KIF18B: variants seen among roughly 807,000 people sequenced by gnomAD.
KIF18B encodes kinesin-like protein KIF18B.
In KIF18B, 49 loss-of-function variants were observed where a neutral mutation model predicts 80.9. That is an observed-to-expected ratio of 0.61 (90% CI 0.48 to 0.77). The LOEUF (loss-of-function observed/expected upper bound fraction) is 0.77, where lower values mean the gene tolerates loss of function less well. Ranked by LOEUF, KIF18B falls within the 30% of genes least tolerant of loss-of-function variation. The probability of loss-of-function intolerance (pLI) is 0.00; values close to 1 mark genes in which losing one functional copy is unlikely to be tolerated. For synonymous variants in KIF18B, 439 were observed against 463.9 expected (o/e 0.95, Z 0.69); for missense variants, 994 against 1,127.7 (o/e 0.88, Z 1.70).
At chr17:44,929,522 A>G (rs1597877454) in intron 11 of KIF18B, among the ~76,000 whole-genome samples, 1 of 152,278 alleles carries the variant, frequency 6.6e-6, no homozygotes, top group East Asian at 1.9e-4. Flanking sequence ...GCACTGGTTA[A>G]CCTCAGTCTC....
Position 44,927,133 on chromosome 17 carries a change from C to G in KIF18B, c.2277-55G>C. 7.4e-7 allele frequency: 1 copy of G among 1,348,784 alleles called. No individual in the cohort carries two copies. Among genetic ancestry groups the G allele is most frequent in the Non-Finnish European group, 1.0e-6 (1 of 972,814 alleles). 83.6% of individuals were successfully genotyped at this position (1,348,784 alleles called of 1,614,324 possible). On this transcript the variant is annotated intron_variant, in intron 13 of 15. Transcript: ENST00000593135. The surrounding 1 kb of genome is among the most constrained non-coding windows in gnomAD (Gnocchi z 4.1). ...ATCAGCAGGGAACCGGAAGCAAGGC[C>G]AGCCACTTCCTCCCTCCAGCCCCCA...
chr17:44,942,743 A>C (rs117109833), intron 1 of KIF18B, among the ~76,000 whole-genome samples: 1,541 of 152,378 alleles, frequency 0.01, 16 homozygotes, highest in Admixed American at 0.015. Context: ...GCAGAGTCTG[A>C]ATCCAAAAAT....
intron 14 of KIF18B, 101 bp from the exon 15 acceptor site, chr17:44,926,600 A>T: frequency 8.4e-7 from 1 of 1,189,752 alleles, no homozygotes. Context: ...CTAAGCCCTG[A>T]GAGCAAAGGC....
intron 15 of KIF18B, 56 bp downstream of exon 15, chr17:44,926,358 T>C (rs1164651462): frequency 1.3e-6 from 2 of 1,553,568 alleles, no homozygotes; most frequent in Admixed American, 2.0e-5. Context: ...CCCTCCTCCT[T>C]CTTGTCTTCA....
intron 1 of KIF18B, among the ~76,000 whole-genome samples, chr17:44,939,827 T>A (rs1036269157): frequency 1.3e-5 from 2 of 152,204 alleles, no homozygotes; most frequent in Non-Finnish European, 2.9e-5. Context: ...ATTTTTATTT[T>A]TTTTTTAGAC....
At chr17:44,933,053 T>A in intron 7 of KIF18B, 67 bp from the exon 8 acceptor site, 1 of 1,468,726 alleles carries the variant, frequency 6.8e-7, no homozygotes, top group Non-Finnish European at 9.4e-7. Context: ...CCACCGCCGA[T>A]GGCCAGGCAC....
intron 9 of KIF18B, chr17:44,932,456 T>C (rs558388014): frequency 8.4e-6 from 5 of 594,504 alleles, no homozygotes; most frequent in Middle Eastern, 4.5e-4. Flanking sequence ...TCTCGAATAG[T>C]AGGCCCTGCT....
chr17:44,936,624 A>ATTTT (rs72105429), intron 1 of KIF18B, among the ~76,000 whole-genome samples: 2 of 27,906 alleles, frequency 7.2e-5, no homozygotes, highest in African/African-American at 1.4e-4. Flanking sequence ...ATATATATAT[A>ATTTT]TTTTTTTTTT....
At chr17:44,933,897 C>T (rs2052214999) in intron 7 of KIF18B, 26 bp downstream of exon 7, 10 of 1,537,116 alleles carry the variant, frequency 6.5e-6, no homozygotes, top group Non-Finnish European at 8.8e-6. Flanking sequence ...TGCCCCACGC[C>T]CAAGCCGGCC....
At chr17:44,947,409 G>A (rs899220408) in intron 1 of KIF18B, among the ~76,000 whole-genome samples, 1 of 152,234 alleles carries the variant, frequency 6.6e-6, no homozygotes, top group African/African-American at 2.4e-5. Context: ...CACCCGTACG[G>A]GTGTGTAAGG....
At chr17:44,926,529 G>T in intron 14 of KIF18B, 30 bp from the exon 15 acceptor site, 1 of 1,552,506 alleles carries the variant, frequency 6.4e-7, no homozygotes, top group East Asian at 2.3e-5. Context: ...AAGGTGGAAG[G>T]TTACGGCCCT....
chr17:44,939,223 T>G (rs554463026), intron 1 of KIF18B, among the ~76,000 whole-genome samples: 13 of 151,068 alleles, frequency 8.6e-5, no homozygotes, highest in Non-Finnish European at 1.5e-4. Context: ...ATACAAAAAT[T>G]AGTCGGGCAC....
chr17:44,944,124 T>G (rs965299998), intron 1 of KIF18B, among the ~76,000 whole-genome samples: 1 of 152,258 alleles, frequency 6.6e-6, no homozygotes, highest in African/African-American at 2.4e-5. Flanking sequence ...CTTGCATTCT[T>G]GGGATAAATT....
chr17:44,943,325 C>T (rs1307319466), intron 1 of KIF18B, among the ~76,000 whole-genome samples: 1 of 152,078 alleles, frequency 6.6e-6, no homozygotes, highest in East Asian at 1.9e-4. Context: ...TGGTCTCGAT[C>T]TCCTGACTTT....
chr17:44,934,269 C>G lies in KIF18B; in HGVS notation c.849G>C (p.Ala283=), dbSNP rs763694450. ...CCAAGGCATTGAGGACGTTGATGAG[C>G]GCCAGCAGAGAGCGGTTGATGTTGG... The part of the protein sequence containing the change: ...EGANINRSLL[A]LINVLNALAD... The change falls in exon 6 of 16, where the codon GCG becomes GCC. Residue 283 remains alanine, a synonymous_variant. Transcript: ENST00000593135. The surrounding 1 kb of genome is among the most constrained non-coding windows in gnomAD (Gnocchi z 5.4). The G allele has an allele frequency of 4.3e-6, 7 of 1,612,932 alleles. No individual in the cohort carries two copies. In the African/African-American group the frequency reaches 9.3e-5, roughly 22 times the overall value.
chr17:44,930,293 A>C (rs929302943), intron 11 of KIF18B, among the ~76,000 whole-genome samples: 1 of 152,226 alleles, frequency 6.6e-6, no homozygotes, highest in Non-Finnish European at 1.5e-5. Flanking sequence ...TCAGTGCCCC[A>C]TCTGACAAAT....
At chr17:44,933,077 T>G in intron 7 of KIF18B, 91 bp from the exon 8 acceptor site, 18 of 1,180,014 alleles carry the variant, frequency 1.5e-5, no homozygotes, top group Non-Finnish European at 1.8e-5. Flanking sequence ...ACTAGGTCTC[T>G]CCCACGTCCC....
At chr17:44,944,924 A>T (rs2052484291) in intron 1 of KIF18B, among the ~76,000 whole-genome samples, 1 of 152,056 alleles carries the variant, frequency 6.6e-6, no homozygotes. Flanking sequence ...TTTGCTCCTA[A>T]GGTCTTTTTT....
intron 10 of KIF18B, 133 bp from the exon 11 acceptor site, chr17:44,931,862 C>A: frequency 7.8e-7 from 1 of 1,278,876 alleles, no homozygotes; most frequent in Non-Finnish European, 1.1e-6. Context: ...CTGGTCACTT[C>A]CAAACACACA....
Sources: allele counts gnomAD v4.1 joint callset (sites outside exome capture counted in the v4.1 genomes callset), GRCh38; gene constraint gnomAD v4.1.1; non-coding constraint Gnocchi (gnomAD v3.1); transcripts MANE v1.5; gene names NCBI Gene and HGNC (gene_info 2026-07-23, HGNC 2026-07-21).